SLC1A2: variants seen among roughly 807,000 people sequenced by gnomAD.
The protein encoded by SLC1A2 is solute carrier family 1 member 2.
A neutral mutation model predicts 48.8 loss-of-function variants in SLC1A2; 15 were observed. The ratio of observed to expected loss-of-function variants is 0.31; its 90% CI spans 0.21 to 0.47. The LOEUF (loss-of-function observed/expected upper bound fraction) is 0.47. SLC1A2 is among the 20% of genes least tolerant of loss of function. SLC1A2 has a pLI of 0.99. For synonymous variants in SLC1A2, 279 were observed against 272.6 expected (o/e 1.02, Z -0.23); for missense variants, 502 against 730.5 (o/e 0.69, Z 3.61).
At chr11:35,366,845 C>G (rs1246483878) in intron 1 of SLC1A2, among the ~76,000 whole-genome samples, 1 of 152,182 alleles carries the variant, frequency 6.6e-6, no homozygotes, top group Admixed American at 6.5e-5. Flanking sequence ...TGCTTCAGCC[C>G]GGGTCCTAGG....
At chr11:35,275,907 G>T (rs2134661505) in intron 9 of SLC1A2, among the ~76,000 whole-genome samples, 1 of 152,242 alleles carries the variant, frequency 6.6e-6, no homozygotes, top group African/African-American at 2.4e-5. Flanking sequence ...AATAGTCACA[G>T]AGCTCACAAC....
chr11:35,289,130 G>T (rs575625846), intron 7 of SLC1A2, among the ~76,000 whole-genome samples: 5 of 152,322 alleles, frequency 3.3e-5, no homozygotes, highest in Admixed American at 6.5e-5. Context: ...CTGCACTGAA[G>T]TTGGAGGGCT....
intron 1 of SLC1A2, among the ~76,000 whole-genome samples, chr11:35,336,773 T>C (rs865818478): frequency 6.6e-6 from 1 of 152,224 alleles, no homozygotes; most frequent in Non-Finnish European, 1.5e-5. Context: ...TTTATATTTA[T>C]AAATTACAAG....
At chr11:35,274,412 A>C (rs2134653887) in intron 9 of SLC1A2, among the ~76,000 whole-genome samples, 1 of 152,350 alleles carries the variant, frequency 6.6e-6, no homozygotes, top group South Asian at 2.1e-4. Flanking sequence ...GACCGGAGAT[A>C]AGATGTAAAA....
At chr11:35,399,013 C>T (rs1428852858) in intron 1 of SLC1A2, among the ~76,000 whole-genome samples, 1 of 152,176 alleles carries the variant, frequency 6.6e-6, no homozygotes, top group Non-Finnish European at 1.5e-5. Flanking sequence ...GCATAAGCTG[C>T]CTATGGCTGG....
chr11:35,286,541 A>C (rs539418467), intron 8 of SLC1A2: 3 of 399,956 alleles, frequency 7.5e-6, no homozygotes, highest in Admixed American at 8.6e-5. Context: ...TTCTAAAGCA[A>C]GTTGACATGT....
At chr11:35,314,855 T>G (rs1031480578) in intron 3 of SLC1A2, 168 bp downstream of exon 3, 3 of 462,946 alleles carry the variant, frequency 6.5e-6, no homozygotes, top group African/African-American at 5.7e-5. Context: ...CAAGCTTTTA[T>G]TTCTTTAGGG....
Position 35,280,941 on chromosome 11 carries a change from G to A in SLC1A2, c.1347C>T (p.Thr449=), listed in dbSNP as rs1282096449. The part of the protein sequence containing the change: ...AASIPSAGLV[T]MLLILTAVGL... ...CCACGGCTGTCAGAATGAGGAGCAT[G>A]GTGACCAGCCCGGCACTGGGGATAC... The change falls in exon 9 of 11, where the codon ACC becomes ACT. Residue 449 remains threonine, a synonymous_variant. Coordinates refer to ENST00000278379, the MANE Select transcript of SLC1A2 (RefSeq NM_004171.4). The A allele has an allele frequency of 6.2e-7, 1 of 1,613,290 alleles. No individual in the cohort carries two copies. The highest frequency in any genetic ancestry group is 1.7e-5 in the Admixed American group (1 of 59,956).
chr11:35,278,347 C>A (rs998065521), intron 9 of SLC1A2, among the ~76,000 whole-genome samples: 8 of 146,684 alleles, frequency 5.5e-5, no homozygotes, highest in African/African-American at 2.0e-4. Context: ...ACGATCTCAG[C>A]TCACTGCAAC....
chr11:35,272,548 G>T (rs1850309385), intron 9 of SLC1A2, among the ~76,000 whole-genome samples: 1 of 152,206 alleles, frequency 6.6e-6, no homozygotes. Flanking sequence ...CAACTCTGGG[G>T]AAGTTTAACT....
chr11:35,412,233 G>GATA (rs1375056497), intron 1 of SLC1A2, among the ~76,000 whole-genome samples: 2 of 152,070 alleles, frequency 1.3e-5, no homozygotes, highest in African/African-American at 4.8e-5. Context: ...TCTAAAATGA[G>GATA]ATAATATTCC....
rs150595871 is a variant in SLC1A2, at chr11:35,312,405, C to T, written c.354G>A (p.Thr118=). Residue 118 remains threonine, a synonymous_variant, in exon 4 of 11, where the codon ACG becomes ACA. Transcript: ENST00000278379. ...LDAKASGRLG[T]RAMVYYMSTT... Reference sequence around the variant, plus strand: ...TGGACATGTAATACACCATGGCTCTCGTGCCCAAGCGGCCACTAGCCTTAG... The same window carrying T: ...TGGACATGTAATACACCATGGCTCTTGTGCCCAAGCGGCCACTAGCCTTAG... 9 of 1,614,142 alleles carry T rather than the reference C, an allele frequency of 5.6e-6. No individual in the cohort carries two copies. Among genetic ancestry groups the T allele is most frequent in the East Asian group, 2.2e-5 (1 of 44,880 alleles).
intron 1 of SLC1A2, among the ~76,000 whole-genome samples, chr11:35,337,307 C>A (rs376759759): frequency 6.6e-6 from 1 of 151,986 alleles, no homozygotes; most frequent in East Asian, 1.9e-4. Context: ...GCATGCTAAG[C>A]GAATAGAAAT....
chr11:35,375,355 C>T (rs975363486), intron 1 of SLC1A2, among the ~76,000 whole-genome samples: 7 of 152,220 alleles, frequency 4.6e-5, no homozygotes, highest in African/African-American at 1.7e-4. Context: ...TGGTTCCCCG[C>T]TTCACGTGAA....
intron 1 of SLC1A2, among the ~76,000 whole-genome samples, chr11:35,325,450 C>T (rs745448878): frequency 1.1e-4 from 17 of 152,308 alleles, no homozygotes; most frequent in Middle Eastern, 3.4e-3. Context: ...CTCCACCATG[C>T]CTAGCATCTT....
intron 1 of SLC1A2, among the ~76,000 whole-genome samples, chr11:35,331,609 G>A (rs1852431692): frequency 1.3e-5 from 2 of 152,194 alleles, no homozygotes; most frequent in Admixed American, 1.3e-4. Flanking sequence ...GGTTCACAGG[G>A]CTTTGTGCTG....
At chr11:35,335,096 A>ATAT (rs1194660214) in intron 1 of SLC1A2, among the ~76,000 whole-genome samples, 2 of 152,120 alleles carry the variant, frequency 1.3e-5, no homozygotes, top group East Asian at 3.8e-4. Flanking sequence ...ACATTCTTCA[A>ATAT]TATTTCTTTA....
At position 35,342,765 on chromosome 11, in the gene SLC1A2, G is replaced by A. The variant is rs192723796; in HGVS notation, c.18-25249C>T. 4.1e-3 allele frequency among the ~76,000 whole-genome samples: 622 copies of A among 151,484 alleles called. 3 individuals are homozygous for A. The highest frequency in any genetic ancestry group is 4.0e-3 in the Non-Finnish European group (272 of 67,942). On this transcript the variant is annotated intron_variant, in intron 1 of 10. Coordinates refer to ENST00000278379, the MANE Select transcript of SLC1A2 (RefSeq NM_004171.4). The stretch of plus-strand genomic sequence containing the variant: ...CACTCCCCTGCACTCCAGCCTGGGC[G>A]CGACAGAGTGAGACCTTGTCTCAAA...
intron 1 of SLC1A2, among the ~76,000 whole-genome samples, chr11:35,342,550 G>GT (rs11428049): frequency 0.61 from 92,348 of 151,266 alleles, 28,345 homozygotes; most frequent in East Asian, 0.7. Flanking sequence ...TTTGTTGTTT[G>GT]TTTTTTTTGC....
Sources: gnomAD v4.1 joint callset for allele counts (sites outside exome capture counted in the v4.1 genomes callset) on GRCh38, gnomAD v4.1.1 for gene constraint, MANE v1.5 for transcripts, NCBI Gene and HGNC (gene_info 2026-07-23, HGNC 2026-07-21) for gene names.